RALGAPB: variants seen among roughly 807,000 people sequenced by gnomAD.
RALGAPB encodes ral GTPase-activating protein subunit beta.
Under a neutral mutation model 161.1 loss-of-function variants are expected in RALGAPB, and 25 were observed. The ratio of observed to expected loss-of-function variants is 0.16; its 90% CI spans 0.11 to 0.22. RALGAPB has a LOEUF of 0.22. Among genes scored for constraint, RALGAPB ranks in the 10% least tolerant of loss-of-function variants. The pLI is 1.00. For synonymous variants in RALGAPB, 629 were observed against 626.1 expected, an observed-to-expected ratio of 1.00 and a Z score of -0.07; for missense variants, 1,391 against 1,815.2, an observed-to-expected ratio of 0.77 and a Z score of 4.25.
In RALGAPB at chr20:38,525,882, G is replaced by GT; in HGVS notation, c.1903-7dup. On this transcript the variant is annotated splice_polypyrimidine_tract_variant and intron_variant, in intron 12 of 29. Transcript: ENST00000262879. ...CAACAGCTGATGTTAAATATTATTT[G>GT]TTTTTTCCATAGGTGGTCCTGGAAG... 6.2e-7 allele frequency: 1 copy of GT among 1,609,062 alleles called. No individual in the cohort carries two copies. The highest frequency in any genetic ancestry group is 8.5e-7 in the Non-Finnish European group (1 of 1,178,424).
intron 1 of RALGAPB, among the ~76,000 whole-genome samples, chr20:38,486,791 A>G (rs1052793124): frequency 1.3e-5 from 2 of 152,206 alleles, no homozygotes; most frequent in Non-Finnish European, 2.9e-5. Flanking sequence ...AATATAACAT[A>G]CAAAATTTTG....
chr20:38,570,880 G>A (rs773859218), intron 28 of RALGAPB, 33 bp downstream of exon 28: 3 of 1,429,466 alleles, frequency 2.1e-6, no homozygotes, highest in South Asian at 1.2e-5. Context: ...TCATCAGCGT[G>A]TCTTTTTTTA....
At chr20:38,529,703 C>T (rs1238929984) in intron 13 of RALGAPB, among the ~76,000 whole-genome samples, 3 of 150,868 alleles carry the variant, frequency 2.0e-5, no homozygotes, top group Non-Finnish European at 4.4e-5. Context: ...ATTAGCCAGG[C>T]GTGGTGGCAG....
At chr20:38,532,599 TTC>T (rs1299384899) in intron 14 of RALGAPB, 129 bp from the exon 15 acceptor site, 19 of 1,107,294 alleles carry the variant, frequency 1.7e-5, no homozygotes, top group Non-Finnish European at 2.2e-5. Flanking sequence ...CCTTGTCAAT[TTC>T]TGTTACTATC....
chr20:38,513,113 A>G (rs2086015049), intron 6 of RALGAPB, among the ~76,000 whole-genome samples: 1 of 152,158 alleles, frequency 6.6e-6, no homozygotes, highest in Non-Finnish European at 1.5e-5. Context: ...CACGCCTATA[A>G]TAATAGCACT....
chr20:38,548,855 C>A, intron 20 of RALGAPB, 60 bp downstream of exon 20: 1 of 1,360,014 alleles, frequency 7.4e-7, no homozygotes, highest in Non-Finnish European at 1.1e-6. Context: ...GGTTAGGTAA[C>A]ATTCCAACAG....
chr20:38,474,422 T>C lies in RALGAPB; in HGVS notation c.-31+1353T>C, dbSNP rs1034773830. Among the ~76,000 whole-genome samples, 3 of 152,264 alleles carry C rather than the reference T, an allele frequency of 2.0e-5. No individual in the cohort carries two copies. In the South Asian group the frequency reaches 6.2e-4, roughly 32 times the overall value. ...CTCCCACCTCAGCCTCTCAAGTAGCTGGGACTACCACGCTTGGCTAATTTT... is the reference window on the plus strand; with the variant it reads ...CTCCCACCTCAGCCTCTCAAGTAGCCGGGACTACCACGCTTGGCTAATTTT... On this transcript the variant is annotated intron_variant, in intron 1 of 29. Coordinates refer to ENST00000262879, the MANE Select transcript of RALGAPB (RefSeq NM_020336.4).
chr20:38,480,385 CTT>C (rs71189925), intron 1 of RALGAPB, among the ~76,000 whole-genome samples: 1 of 128,764 alleles, frequency 7.8e-6, no homozygotes, highest in Non-Finnish European at 1.6e-5. Flanking sequence ...TTCTTTCTTT[CTT>C]TTTTTTTTTT....
intron 14 of RALGAPB, among the ~76,000 whole-genome samples, chr20:38,532,355 C>T (rs1462184764): frequency 6.6e-6 from 1 of 152,204 alleles, no homozygotes; most frequent in Non-Finnish European, 1.5e-5. Flanking sequence ...GCGCGCCTGG[C>T]CTTATTCATG....
At chr20:38,475,500 T>C (rs1349234669) in intron 1 of RALGAPB, among the ~76,000 whole-genome samples, 1 of 152,214 alleles carries the variant, frequency 6.6e-6, no homozygotes, top group African/African-American at 2.4e-5. Context: ...AGTGAATATG[T>C]GTGTGAAGGT....
At position 38,533,890 on chromosome 20, in the gene RALGAPB, G is replaced by C. The variant is rs182512596; in HGVS notation, c.2245+1031G>C. 8.6e-5 allele frequency among the ~76,000 whole-genome samples: 13 copies of C among 151,826 alleles called. No individual in the cohort carries two copies. In the East Asian group the frequency reaches 2.5e-3, roughly 29 times the overall value. ...GCAGTGGCTCACTCCTGTAATCCCA[G>C]CACTTTGGGAGGCCAAGGTGGGCGG... On this transcript the variant is annotated intron_variant, in intron 15 of 29. Transcript: ENST00000262879.
chr20:38,530,509 C>T (rs1165794384), intron 13 of RALGAPB, among the ~76,000 whole-genome samples: 3 of 151,664 alleles, frequency 2.0e-5, no homozygotes, highest in African/African-American at 4.8e-5. Flanking sequence ...CCTGCTGACT[C>T]GGCCTCCCAA....
Position 38,574,963 on chromosome 20 carries a change from C to T in RALGAPB, c.4481C>T (p.Ser1494Phe), listed in dbSNP as rs1365372142. ...GAGGTTGGACTCAAGAACTGCAGTT[C>T]TTAGACCACTGAATTTCTAAGACTG... is the stretch of plus-strand genomic sequence containing the variant. Reference protein sequence around the residue: ...FQEVGLKNCSS With the variant: ...FQEVGLKNCSF Residue 1494 changes from serine to phenylalanine, a missense_variant, in exon 30 of 30, where the codon TCT becomes TTT. Ser to Phe is a radical substitution (Grantham distance 155). Transcript: ENST00000262879. 2 of 1,605,806 alleles carry T rather than the reference C, an allele frequency of 1.2e-6. No homozygotes were observed. Among genetic ancestry groups the T allele is most frequent in the Non-Finnish European group, 1.7e-6 (2 of 1,172,572 alleles).
In RALGAPB at chr20:38,532,834, T is replaced by G; in HGVS notation, c.2220T>G (p.Pro740=). 6.2e-7 allele frequency: 1 copy of G among 1,614,216 alleles called. No individual in the cohort carries two copies. The highest frequency in any genetic ancestry group is 8.5e-7 in the Non-Finnish European group (1 of 1,180,018). The change falls in exon 15 of 30, where the codon CCT becomes CCG. Residue 740 remains proline, a synonymous_variant. Transcript: ENST00000262879. ...TEPTTPDSER[P]AQALLRDYAL... ...CCACGACTCCCGATAGTGAGAGACC[T>G]GCTCAAGCTCTCTTAAGAGATTATG...
intron 1 of RALGAPB, among the ~76,000 whole-genome samples, chr20:38,480,377 C>CT (rs2084930456): frequency 2.1e-5 from 2 of 95,388 alleles, no homozygotes; most frequent in Non-Finnish European, 4.5e-5. Context: ...ATTTTCTTTT[C>CT]TTTCTTTCTT....
At chr20:38,485,966 C>CTTTTTTTTTTTTTT (rs11481893) in intron 1 of RALGAPB, among the ~76,000 whole-genome samples, 1 of 90,712 alleles carries the variant, frequency 1.1e-5, no homozygotes, top group African/African-American at 4.4e-5. Flanking sequence ...CTTTCTATAT[C>CTTTTTTTTTTTTTT]TTTTTTTTTT....
At chr20:38,554,252 C>T (rs1351394797) in intron 22 of RALGAPB, among the ~76,000 whole-genome samples, 176 bp downstream of exon 22, 2 of 151,476 alleles carry the variant, frequency 1.3e-5, no homozygotes, top group Non-Finnish European at 2.9e-5. Flanking sequence ...AGTTTGTGCT[C>T]CAGGACAGGT....
intron 9 of RALGAPB, 62 bp from the exon 10 acceptor site, chr20:38,521,435 G>T: frequency 1.3e-6 from 2 of 1,598,750 alleles, no homozygotes; most frequent in Non-Finnish European, 1.7e-6. Flanking sequence ...TTTGTGTCCA[G>T]GGTCCCATGA....
chr20:38,481,901 T>G (rs1390161512), intron 1 of RALGAPB, among the ~76,000 whole-genome samples: 2 of 152,216 alleles, frequency 1.3e-5, no homozygotes, highest in Non-Finnish European at 2.9e-5. Context: ...CATAAAGATG[T>G]AGTAATAAAA....
Sources: allele counts gnomAD v4.1 joint callset (sites outside exome capture counted in the v4.1 genomes callset), GRCh38; gene constraint gnomAD v4.1.1; transcripts MANE v1.5; gene names NCBI Gene and HGNC (gene_info 2026-07-23, HGNC 2026-07-21).